Variants in ROBO2 observed in about 807,000 individuals in gnomAD.
ROBO2 encodes the protein roundabout homolog 2.
ROBO2 carries 53 observed loss-of-function variants against 160.8 expected under a neutral mutation model. The ratio of observed to expected loss-of-function variants is 0.33; its 90% CI spans 0.26 to 0.41. The LOEUF (loss-of-function observed/expected upper bound fraction) is 0.41, where lower values mean the gene tolerates loss of function less well. ROBO2 is among the 10% of genes least tolerant of loss of function. The pLI is 1.00. For missense variants in ROBO2, 1,577 were observed against 1,722.4 expected (o/e 0.92, Z 1.49); for synonymous variants, 664 against 611.7 (o/e 1.09, Z -1.26).
At chr3:77,389,516 G>A (rs1486852134) in intron 2 of ROBO2, among the ~76,000 whole-genome samples, 2 of 152,112 alleles carry the variant, frequency 1.3e-5, no homozygotes, top group Non-Finnish European at 2.9e-5. Context: ...AACCAGGAAA[G>A]TCAGCAGTAT....
intron 2 of ROBO2, among the ~76,000 whole-genome samples, chr3:76,912,363 T>A (rs2076044827): frequency 6.6e-6 from 1 of 152,228 alleles, no homozygotes; most frequent in Non-Finnish European, 1.5e-5. Flanking sequence ...ATTTGCTTTC[T>A]GAATTAATGC....
At chr3:76,372,634 G>A (rs1388652484) in intron 2 of ROBO2, among the ~76,000 whole-genome samples, 1 of 151,888 alleles carries the variant, frequency 6.6e-6, no homozygotes, top group East Asian at 1.9e-4. Flanking sequence ...TTGAATCTTT[G>A]TGTAAGCAAG....
At chr3:76,622,372 G>A (rs2089284223) in intron 2 of ROBO2, among the ~76,000 whole-genome samples, 1 of 152,040 alleles carries the variant, frequency 6.6e-6, no homozygotes, top group African/African-American at 2.4e-5. Flanking sequence ...GGCTAAGGTG[G>A]GAGGATTGCT....
At chr3:76,734,996 A>T (rs1395412948) in intron 2 of ROBO2, among the ~76,000 whole-genome samples, 1 of 152,240 alleles carries the variant, frequency 6.6e-6, no homozygotes, top group African/African-American at 2.4e-5. Flanking sequence ...AATGTAAATT[A>T]GTTAAACCAC....
chr3:77,272,972 T>A (rs914263822), intron 2 of ROBO2, among the ~76,000 whole-genome samples: 1 of 152,192 alleles, frequency 6.6e-6, no homozygotes, highest in African/African-American at 2.4e-5. Context: ...TCTCAGTTTT[T>A]ATTTTAGATT....
At chr3:77,555,836 C>T (rs6797719) in intron 8 of ROBO2, among the ~76,000 whole-genome samples, 15,027 of 151,866 alleles carry the variant, frequency 0.099, 972 homozygotes, top group Middle Eastern at 0.17. Flanking sequence ...GTCATGGAAA[C>T]CTGTGGTCAT....
chr3:77,459,953 G>A (rs1468881070), intron 2 of ROBO2, among the ~76,000 whole-genome samples: 1 of 150,446 alleles, frequency 6.6e-6, no homozygotes, highest in Non-Finnish European at 1.5e-5. Context: ...AGTGGGTGGG[G>A]GGGTCCTTCG....
intron 2 of ROBO2, among the ~76,000 whole-genome samples, chr3:76,375,632 G>C (rs549647658): frequency 6.6e-5 from 10 of 152,056 alleles, no homozygotes; most frequent in African/African-American, 2.2e-4. Context: ...ATTATCAGGA[G>C]AGCTACTGGT....
chr3:77,307,040 C>G (rs1262646884), intron 2 of ROBO2, among the ~76,000 whole-genome samples: 2 of 152,122 alleles, frequency 1.3e-5, no homozygotes, highest in Admixed American at 1.3e-4. Context: ...ACCTTGTCAC[C>G]TTAAAATATT....
chr3:76,443,401 T>C (rs929504634), intron 2 of ROBO2, among the ~76,000 whole-genome samples: 1 of 152,130 alleles, frequency 6.6e-6, no homozygotes, highest in African/African-American at 2.4e-5. Context: ...CCGCATCCAC[T>C]GAGAGTCTTG....
intron 2 of ROBO2, among the ~76,000 whole-genome samples, chr3:76,577,618 A>G (rs2108674598): frequency 6.6e-6 from 1 of 152,264 alleles, no homozygotes; most frequent in Non-Finnish European, 1.5e-5. Flanking sequence ...CAACATGAGT[A>G]AGTGCTTGTA....
intron 2 of ROBO2, among the ~76,000 whole-genome samples, chr3:76,335,860 G>A (rs977809244): frequency 2.0e-5 from 3 of 152,194 alleles, no homozygotes; most frequent in Non-Finnish European, 4.4e-5. Context: ...ACAGGTGTGA[G>A]CCACCGCGCC....
At chr3:75,984,878 T>C (rs1277501230) in intron 2 of ROBO2, among the ~76,000 whole-genome samples, 2 of 151,372 alleles carry the variant, frequency 1.3e-5, no homozygotes, top group Non-Finnish European at 3.0e-5. Context: ...TAGCATATTT[T>C]GTATAATGTA....
chr3:76,996,916 T>C (rs1178077587), intron 2 of ROBO2, among the ~76,000 whole-genome samples: 1 of 152,204 alleles, frequency 6.6e-6, no homozygotes, highest in Non-Finnish European at 1.5e-5. Flanking sequence ...CAATCTAATA[T>C]GTGTCTGCCA....
At chr3:76,961,655 A>G (rs1011565035) in intron 2 of ROBO2, among the ~76,000 whole-genome samples, 1 of 152,154 alleles carries the variant, frequency 6.6e-6, no homozygotes, top group Non-Finnish European at 1.5e-5. Context: ...GGGTTATTAC[A>G]CTTTCAGAGC....
chr3:77,358,878 T>C (rs2069514195), intron 2 of ROBO2, among the ~76,000 whole-genome samples: 2 of 152,168 alleles, frequency 1.3e-5, no homozygotes, highest in African/African-American at 4.8e-5. Context: ...GACCTTTTGG[T>C]AAGGTAAATT....
intron 2 of ROBO2, among the ~76,000 whole-genome samples, chr3:76,140,042 G>A (rs146054657): frequency 7.4e-4 from 113 of 152,136 alleles, no homozygotes; most frequent in Middle Eastern, 3.4e-3. Flanking sequence ...AACTGACTGC[G>A]TCATTTTGGT....
rs114502852 is a variant in ROBO2 at position 77,485,887 on chromosome 3, G to A, written c.667+4668G>A. On this transcript the variant is annotated intron_variant, in intron 4 of 25. Coordinates refer to ENST00000461745, the Ensembl canonical transcript of ROBO2. ...CTGCACAGATTAACCTATCACCTAGGTATTAGGTCCCACATCCATTAGCTA... is the reference window on the plus strand; with the variant it reads ...CTGCACAGATTAACCTATCACCTAGATATTAGGTCCCACATCCATTAGCTA... Among the ~76,000 whole-genome samples the A allele has an allele frequency of 4.8e-3, 734 of 152,160 alleles. 2 individuals carry two copies. The highest frequency in any genetic ancestry group is 0.017 in the African/African-American group (696 of 41,532).
chr3:77,316,944 T>G, intron 2 of ROBO2: 1 of 1,317,358 alleles, frequency 7.6e-7, no homozygotes, highest in Admixed American at 1.7e-5. Context: ...TGGCTGCTGT[T>G]CCGAAGCGCG....
Sources: allele counts gnomAD v4.1 joint callset (sites outside exome capture counted in the v4.1 genomes callset), GRCh38; gene constraint gnomAD v4.1.1; transcripts MANE v1.5; gene names NCBI Gene and HGNC (gene_info 2026-07-23, HGNC 2026-07-21).